The following CFAP221 variants were observed in gnomAD, a reference collection of about 807,000 sequenced individuals.
The protein encoded by CFAP221 is cilia- and flagella-associated protein 221.
A neutral mutation model predicts 113.1 loss-of-function variants in CFAP221; 97 were observed. The observed-to-expected ratio is 0.86, with a 90% confidence interval of 0.73 to 1.02. CFAP221 has a LOEUF of 1.02. CFAP221 is among the 50% of genes least tolerant of loss of function. The pLI is 0.00. For synonymous variants in CFAP221, 331 were observed against 354.4 expected, an observed-to-expected ratio of 0.93 and a Z score of 0.74; for missense variants, 1,025 against 1,013.4, an observed-to-expected ratio of 1.01 and a Z score of -0.16.
chr2:119,618,527 T>C (rs144595268), intron 14 of CFAP221, among the ~76,000 whole-genome samples: 2,291 of 152,282 alleles, frequency 0.015, 56 homozygotes, highest in African/African-American at 0.052. Flanking sequence ...CATGAGGGAC[T>C]GTGCCATGAG....
chr2:119,586,660 T>C (rs1040968595), intron 6 of CFAP221: 1 of 152,672 alleles, frequency 6.5e-6, no homozygotes, highest in African/African-American at 2.4e-5. Context: ...TCCCAGGCTT[T>C]CTATAAGCCC....
At chr2:119,621,223 CAAA>C (rs77833812) in intron 14 of CFAP221, among the ~76,000 whole-genome samples, 4 of 96,508 alleles carry the variant, frequency 4.1e-5, no homozygotes, top group Non-Finnish European at 4.4e-5. Flanking sequence ...GAAACTGTGT[CAAA>C]AAAAAAAAAA....
chr2:119,601,062 A>C (rs970634792), intron 7 of CFAP221, among the ~76,000 whole-genome samples, 156 bp from the exon 8 acceptor site: 2 of 152,192 alleles, frequency 1.3e-5, no homozygotes, highest in African/African-American at 4.8e-5. Flanking sequence ...GTTTTTGGGA[A>C]GCCAAAAGTT....
chr2:119,587,313 C>T (rs748864222), intron 7 of CFAP221, 91 bp downstream of exon 7: 359 of 850,820 alleles, frequency 4.2e-4, no homozygotes, highest in Non-Finnish European at 1.0e-4. Flanking sequence ...ATGAATTTTA[C>T]ACATAACTGA....
At chr2:119,650,468 A>T (rs141885820) in intron 22 of CFAP221, among the ~76,000 whole-genome samples, 666 of 152,206 alleles carry the variant, frequency 4.4e-3, no homozygotes, top group Non-Finnish European at 7.0e-3. Flanking sequence ...AACATACCCA[A>T]CTCCTCCTCC....
chr2:119,614,694 G>A (rs1216817102), intron 13 of CFAP221, among the ~76,000 whole-genome samples: 3 of 152,162 alleles, frequency 2.0e-5, no homozygotes, highest in East Asian at 3.8e-4. Flanking sequence ...GGGATAATGA[G>A]AACTACAATT....
intron 7 of CFAP221, among the ~76,000 whole-genome samples, chr2:119,588,421 A>G (rs1683366031): frequency 6.6e-6 from 1 of 152,256 alleles, no homozygotes; most frequent in Admixed American, 6.5e-5. Flanking sequence ...AAAGCTCAAT[A>G]GCTTATGGCC....
intron 21 of CFAP221, among the ~76,000 whole-genome samples, chr2:119,646,531 G>T (rs1217779094): frequency 6.6e-6 from 1 of 152,100 alleles, no homozygotes; most frequent in Non-Finnish European, 1.5e-5. Context: ...AGGAGATGGT[G>T]CTAACCCATT....
At chr2:119,618,294 G>T (rs955622095) in intron 14 of CFAP221, among the ~76,000 whole-genome samples, 6 of 152,144 alleles carry the variant, frequency 3.9e-5, no homozygotes, top group Admixed American at 3.9e-4. Flanking sequence ...ATTTGGGCTG[G>T]CAATATGGCT....
chr2:119,557,992 C>G (rs1458983316), intron 3 of CFAP221, among the ~76,000 whole-genome samples: 1 of 149,590 alleles, frequency 6.7e-6, no homozygotes, highest in African/African-American at 2.5e-5. Context: ...CCCTAGAGTG[C>G]AGATTGCTGA....
At chr2:119,552,822 GAAAT>G (rs981584234) in intron 3 of CFAP221, among the ~76,000 whole-genome samples, 5 of 142,294 alleles carry the variant, frequency 3.5e-5, no homozygotes, top group African/African-American at 1.0e-4. Context: ...TCTTTAATAA[GAAAT>G]AAAGAGAAAT....
chr2:119,591,392 T>C (rs1220111469), intron 7 of CFAP221, among the ~76,000 whole-genome samples: 6 of 152,042 alleles, frequency 3.9e-5, no homozygotes, highest in African/African-American at 1.4e-4. Flanking sequence ...TTCTGTCACA[T>C]TGGTAGCAAT....
At chr2:119,630,486 A>G in intron 17 of CFAP221, 84 bp from the exon 18 acceptor site, 2 of 1,010,368 alleles carry the variant, frequency 2.0e-6, no homozygotes, top group Non-Finnish European at 3.0e-6. Flanking sequence ...ACCACCAGGA[A>G]GCTCGGAAAT....
rs368023987 is a variant in CFAP221 at position 119,630,760 on chromosome 2, T to C, written c.1840-7T>C. 1.7e-5 allele frequency: 28 copies of C among 1,609,484 alleles called. No homozygotes were observed. The highest frequency in any genetic ancestry group is 2.2e-5 in the Non-Finnish European group (26 of 1,176,172). ...AAAACTAACGTGCTGTCCTTGCTCC[T>C]TGTTAGGATGAAGTCACCACCATCA... On this transcript the variant is annotated splice_region_variant and splice_polypyrimidine_tract_variant and intron_variant, in intron 18 of 23. Transcript: ENST00000413369.
chr2:119,648,370 T>A (rs978429391), intron 22 of CFAP221: 1 of 213,696 alleles, frequency 4.7e-6, no homozygotes, highest in Non-Finnish European at 1.1e-5. Context: ...GTGTTATGTC[T>A]CAAGTGTAGA....
chr2:119,622,400 C>T (rs983070914), intron 14 of CFAP221, among the ~76,000 whole-genome samples: 2 of 152,056 alleles, frequency 1.3e-5, no homozygotes, highest in Non-Finnish European at 2.9e-5. Context: ...AAAAAAAGCC[C>T]AGGACCAGAC....
chr2:119,556,587 C>G (rs560765968), intron 3 of CFAP221, among the ~76,000 whole-genome samples: 1 of 147,232 alleles, frequency 6.8e-6, no homozygotes, highest in South Asian at 2.2e-4. Flanking sequence ...GAGTTTCACT[C>G]TTGTCACCCA....
intron 15 of CFAP221, 22 bp downstream of exon 15, chr2:119,625,710 C>T: frequency 1.3e-6 from 2 of 1,561,276 alleles, no homozygotes; most frequent in East Asian, 2.2e-5. Flanking sequence ...CTGCAAAGCA[C>T]AGAGATGCCG....
In CFAP221 at chr2:119,613,935, G is replaced by A. The variant is rs188591758; in HGVS notation, c.1312-1676G>A. ...AAGTTCAATTCCAAACCATATCTTC[G>A]TGAATACATAAAACTGAATGCTTTT... is the stretch of plus-strand genomic sequence containing the variant. On this transcript the variant is annotated intron_variant, in intron 13 of 23. Transcript: ENST00000413369. Among the ~76,000 whole-genome samples, 190 of 152,048 alleles carry A rather than the reference G, an allele frequency of 1.2e-3. 1 individual carries two copies. The highest frequency in any genetic ancestry group is 0.01 in the East Asian group (52 of 5,178).
Sources: allele counts gnomAD v4.1 joint callset (sites outside exome capture counted in the v4.1 genomes callset), GRCh38; gene constraint gnomAD v4.1.1; transcripts MANE v1.5; gene names NCBI Gene and HGNC (gene_info 2026-07-23, HGNC 2026-07-21).